The following CNTN4 variants were observed in gnomAD, a reference collection of about 807,000 sequenced individuals.
The protein encoded by CNTN4 is contactin-4.
Under a neutral mutation model 122.5 loss-of-function variants are expected in CNTN4, and 77 were observed. The observed-to-expected ratio is 0.63, with a 90% CI of 0.52 to 0.76. The LOEUF (loss-of-function observed/expected upper bound fraction) is 0.76, where lower values mean the gene tolerates loss of function less well. CNTN4 is among the 30% of genes least tolerant of loss of function. The pLI is 0.00. For missense variants in CNTN4, 1,256 were observed against 1,259.1 expected, an observed-to-expected ratio of 1.00 and a Z score of 0.04; for synonymous variants, 512 against 447.0, an observed-to-expected ratio of 1.15 and a Z score of -1.83.
At chr3:2,451,049 A>G (rs2653497) in intron 3 of CNTN4, among the ~76,000 whole-genome samples, 2,501 of 152,276 alleles carry the variant, frequency 0.016, 72 homozygotes, top group African/African-American at 0.057. Flanking sequence ...AGACTACTCA[A>G]TTACTTTTCT....
At chr3:2,342,210 A>C (rs766106051) in intron 3 of CNTN4, among the ~76,000 whole-genome samples, 7 of 152,162 alleles carry the variant, frequency 4.6e-5, no homozygotes, top group Non-Finnish European at 7.3e-5. Context: ...ACATCTGTAA[A>C]ATGGAGACTG....
At chr3:2,197,049 A>G (rs2037871097) in intron 2 of CNTN4, among the ~76,000 whole-genome samples, 1 of 132,912 alleles carries the variant, frequency 7.5e-6, no homozygotes, top group African/African-American at 2.9e-5. Context: ...CGGTCTCACC[A>G]GAAAAAAAAA....
At position 2,841,158 on chromosome 3, in the gene CNTN4, G is replaced by A. The variant is rs1367641913; in HGVS notation, c.454+21577G>A. ...CTGAGGGTTAATGCTAACTCTCATA[G>A]AATTTAAGTCAAAATATCTGTCTTT... On this transcript the variant is annotated intron_variant, in intron 7 of 24. Transcript: ENST00000418658. This position sits in a 1 kb window ranked among gnomAD's most constrained non-coding sequence, Gnocchi z 4.8. Among the ~76,000 whole-genome samples, 1 of 152,110 alleles carries A rather than the reference G, an allele frequency of 6.6e-6. No individual in the cohort carries two copies. Among genetic ancestry groups the A allele is most frequent in the African/African-American group, 2.4e-5 (1 of 41,370 alleles).
Position 2,925,683 on chromosome 3 carries a change from T to G in CNTN4, c.1262T>G (p.Val421Gly). Reference sequence around the variant, plus strand: ...TTGAAAAGAGTAACTCTTGTCAAAGTGGGAGGTGAAGTTGTCATTGAGTGT... The same window carrying G: ...TTGAAAAGAGTAACTCTTGTCAAAGGGGGAGGTGAAGTTGTCATTGAGTGT... ...TLLKRVTLVKVGGEVVIECKP... is the reference protein window; with the variant it reads ...TLLKRVTLVKGGGEVVIECKP... The change falls in exon 13 of 25, where the codon GTG (valine) becomes GGG (glycine). Residue 421 changes from valine (V) to glycine (G), a missense_variant. By Grantham distance (109) the Val-to-Gly change is moderately radical. Transcript: ENST00000418658. The G allele has an allele frequency of 6.2e-7, 1 of 1,613,940 alleles. No individual in the cohort carries two copies. The highest frequency in any genetic ancestry group is 2.2e-5 in the East Asian group (1 of 44,864).
intron 23 of CNTN4, among the ~76,000 whole-genome samples, 194 bp from the exon 24 acceptor site, chr3:3,053,613 T>C (rs1701488259): frequency 1.3e-5 from 2 of 152,128 alleles, no homozygotes; most frequent in Non-Finnish European, 2.9e-5. Flanking sequence ...TCCTTTCAGC[T>C]CTTTCCTTGG....
chr3:2,292,052 T>C (rs1029015251), intron 2 of CNTN4, among the ~76,000 whole-genome samples: 12 of 152,196 alleles, frequency 7.9e-5, no homozygotes, highest in African/African-American at 2.9e-4. Flanking sequence ...AATATTTTAA[T>C]GCCATTTTTT....
In CNTN4 at chr3:3,049,187, G is replaced by T. The variant is rs569203687; in HGVS notation, c.2812-4620G>T. Among the ~76,000 whole-genome samples the T allele has an allele frequency of 7.9e-5, 12 of 152,238 alleles. No individual in the cohort carries two copies. The East Asian group carries it at 2.1e-3, about 27-fold the overall frequency. ...AACCTCCGCCTCCAGGGTTCAAGCAGTTCTCCTGCCTCAGCCTCCCAAGTA... is the reference window on the plus strand; with the variant it reads ...AACCTCCGCCTCCAGGGTTCAAGCATTTCTCCTGCCTCAGCCTCCCAAGTA... On this transcript the variant is annotated intron_variant, in intron 23 of 24. Transcript: ENST00000418658.
intron 3 of CNTN4, among the ~76,000 whole-genome samples, chr3:2,384,404 C>T (rs545611879): frequency 1.3e-3 from 204 of 152,172 alleles, no homozygotes; most frequent in African/African-American, 3.5e-3. Flanking sequence ...CCTAATTACT[C>T]GCAGCACATA....
chr3:2,376,428 T>C (rs997433688), intron 3 of CNTN4, among the ~76,000 whole-genome samples: 1 of 152,220 alleles, frequency 6.6e-6, no homozygotes, highest in African/African-American at 2.4e-5. Context: ...AGAAGGTGGA[T>C]GACTTTTCCC....
intron 13 of CNTN4, among the ~76,000 whole-genome samples, chr3:2,986,829 C>T (rs146226542): frequency 2.0e-5 from 3 of 152,178 alleles, no homozygotes; most frequent in Non-Finnish European, 2.9e-5. Flanking sequence ...ATCCACTACA[C>T]GCCATCCTGT....
rs17021200 is a variant in CNTN4 at position 2,831,743 on chromosome 3, G to A, written c.454+12162G>A. Among the ~76,000 whole-genome samples the A allele has an allele frequency of 3.9e-3, 599 of 152,292 alleles. 5 individuals carry two copies. Among genetic ancestry groups the A allele is most frequent in the African/African-American group, 0.013 (557 of 41,538 alleles). On this transcript the variant is annotated intron_variant, in intron 7 of 24. Transcript: ENST00000418658. ...TGGGAAGACAGTTGCAGTTGATAACGTAGCATTTCAGAAATATCCAAAGAA... is the reference window on the plus strand; with the variant it reads ...TGGGAAGACAGTTGCAGTTGATAACATAGCATTTCAGAAATATCCAAAGAA...
At chr3:2,306,180 T>A (rs1268012247) in intron 2 of CNTN4, among the ~76,000 whole-genome samples, 1 of 152,174 alleles carries the variant, frequency 6.6e-6, no homozygotes, top group Admixed American at 6.5e-5. Context: ...GGTAAAGCTA[T>A]GATGAACTTT....
chr3:3,036,276 T>C (rs745905074), intron 17 of CNTN4, among the ~76,000 whole-genome samples: 9 of 152,214 alleles, frequency 5.9e-5, no homozygotes, highest in Non-Finnish European at 1.2e-4. Flanking sequence ...TTTTTCACTT[T>C]AGTTTACTAA....
chr3:2,727,988 C>A (rs1424313909), intron 4 of CNTN4, among the ~76,000 whole-genome samples: 1 of 152,164 alleles, frequency 6.6e-6, no homozygotes, highest in Non-Finnish European at 1.5e-5. Context: ...AGCTGAACAA[C>A]CAAATAGAAT....
intron 13 of CNTN4, among the ~76,000 whole-genome samples, chr3:2,926,339 C>T (rs2094473289): frequency 6.6e-6 from 1 of 152,132 alleles, no homozygotes; most frequent in African/African-American, 2.4e-5. Context: ...TATCTAAACT[C>T]TTCATCTGTA....
intron 2 of CNTN4, among the ~76,000 whole-genome samples, chr3:2,217,179 T>G (rs1237335133): frequency 1.3e-5 from 2 of 152,162 alleles, no homozygotes; most frequent in African/African-American, 4.8e-5. Context: ...TGGGCTTTTC[T>G]GTGACATGAG....
At chr3:2,446,693 A>G (rs548369000) in intron 3 of CNTN4, among the ~76,000 whole-genome samples, 9 of 152,292 alleles carry the variant, frequency 5.9e-5, no homozygotes, top group Admixed American at 4.6e-4. Flanking sequence ...CTTAGGTTTG[A>G]TACTTAGATG....
At chr3:2,361,322 C>T (rs940223670) in intron 3 of CNTN4, among the ~76,000 whole-genome samples, 2 of 152,092 alleles carry the variant, frequency 1.3e-5, no homozygotes, top group Admixed American at 6.6e-5. Context: ...CAATTTTGTC[C>T]CTCAGGAGAT....
chr3:2,992,058 C>T (rs1050068818), intron 14 of CNTN4, among the ~76,000 whole-genome samples: 8 of 152,112 alleles, frequency 5.3e-5, no homozygotes, highest in African/African-American at 1.9e-4. Flanking sequence ...CCCCATGTTT[C>T]GGAGAGAGGC....
Sources: allele counts gnomAD v4.1 joint callset (sites outside exome capture counted in the v4.1 genomes callset), GRCh38; gene constraint gnomAD v4.1.1; non-coding constraint Gnocchi (gnomAD v3.1); transcripts MANE v1.5; gene names NCBI Gene and HGNC (gene_info 2026-07-23, HGNC 2026-07-21).